The following MGA variants were observed in gnomAD, a reference collection of about 807,000 sequenced individuals.
MGA encodes the protein MAX dimerization protein MGA, also known as MAX gene-associated protein.
MGA carries 40 observed loss-of-function variants against 261.1 expected under a neutral mutation model. That is an observed-to-expected ratio of 0.15 (90% CI 0.12 to 0.20). The LOEUF (loss-of-function observed/expected upper bound fraction) is 0.20. Ranked by LOEUF, MGA falls within the 10% of genes least tolerant of loss-of-function variation. MGA has a pLI of 1.00. For missense variants in MGA, 3,397 were observed against 3,630.5 expected (o/e 0.94, Z 1.65); for synonymous variants, 1,302 against 1,290.6 (o/e 1.01, Z -0.19).
In MGA at chr15:41,750,219, A is replaced by G. The variant is rs993983680; in HGVS notation, c.6612A>G (p.Glu2204=). 3.1e-6 allele frequency: 5 copies of G among 1,613,870 alleles called. No individual in the cohort carries two copies. The African/African-American group carries it at 5.3e-5, about 17-fold the overall frequency. ...AGGCAGACGAGCAGTTAATTAAAGA[A>G]ACAAAGACATGTCAGGAAAATTCAG... Residue 2204 remains glutamate (E), a synonymous_variant, in exon 17 of 24, where the codon GAA becomes GAG. Transcript: ENST00000219905.
At chr15:41,665,787 TC>T (rs1306726644) in intron 1 of MGA, among the ~76,000 whole-genome samples, 3 of 152,210 alleles carry the variant, frequency 2.0e-5, no homozygotes, top group African/African-American at 7.2e-5. Context: ...AGTTACCCCT[TC>T]CCCTGAAACC....
rs963604462 is a variant in MGA, at chr15:41,769,026, G to C, written c.*1746G>C. ...TGAAGTAGGTAAAGAGTGCTCCTCA[G>C]CTTCTTATCCTTCCACTCTTTACCC... On this transcript the variant is annotated 3_prime_UTR_variant, in exon 24 of 24. Transcript: ENST00000219905. 1 of 152,592 alleles carries C rather than the reference G, an allele frequency of 6.6e-6. No homozygotes were observed. Among genetic ancestry groups the C allele is most frequent in the African/African-American group, 2.4e-5 (1 of 41,434 alleles). The allele number at this position is 152,592 out of a possible 1,614,324, so 9.5% of individuals were successfully genotyped here. A position where few individuals can be genotyped will look rare whatever the true frequency, so the allele number is the denominator to read the frequency against.
intron 1 of MGA, among the ~76,000 whole-genome samples, chr15:41,640,690 T>A (rs1351832383): frequency 6.6e-6 from 1 of 152,194 alleles, no homozygotes; most frequent in East Asian, 1.9e-4. Flanking sequence ...AGCTAATTTT[T>A]GTATTTTTAG....
intron 1 of MGA, among the ~76,000 whole-genome samples, chr15:41,628,128 T>G (rs1271974242): frequency 6.6e-6 from 1 of 152,076 alleles, no homozygotes; most frequent in African/African-American, 2.4e-5. Flanking sequence ...CCCAGCACTT[T>G]GGGAGGCCGA....
rs1029483306 is a variant in MGA, at chr15:41,736,516, G to C, written c.4252G>C (p.Asp1418His). Reference sequence around the variant, plus strand: ...TGAGAAATCTGGATCAGAGACTCCTGATGGTCCATTGTCCCCTGGGAAAAT... The same window carrying C: ...TGAGAAATCTGGATCAGAGACTCCTCATGGTCCATTGTCCCCTGGGAAAAT... Residue 1418 changes from aspartate to histidine, a missense_variant, in exon 13 of 24, where the codon GAT (aspartate) becomes CAT (histidine). Asp to His is a moderately conservative substitution (Grantham distance 81). Coordinates refer to ENST00000219905, the MANE Select transcript of MGA (RefSeq NM_001164273.2). 2.5e-6 allele frequency: 4 copies of C among 1,614,016 alleles called. No individual in the cohort carries two copies. In the Admixed American group the frequency reaches 6.7e-5, roughly 27 times the overall value.
At chr15:41,650,325 G>A (rs2057016913) in intron 1 of MGA, among the ~76,000 whole-genome samples, 1 of 152,128 alleles carries the variant, frequency 6.6e-6, no homozygotes, top group Non-Finnish European at 1.5e-5. Flanking sequence ...CTTCTCCTTA[G>A]AATGCCCTTC....
intron 1 of MGA, among the ~76,000 whole-genome samples, chr15:41,649,890 A>G (rs953451039): frequency 9.2e-5 from 14 of 152,292 alleles, no homozygotes; most frequent in East Asian, 1.9e-4. Context: ...CATGTTGGCC[A>G]GGCTGGTGTC....
At chr15:41,715,639 T>G (rs2151530447) in intron 9 of MGA, among the ~76,000 whole-genome samples, 1 of 152,312 alleles carries the variant, frequency 6.6e-6, no homozygotes, top group South Asian at 2.1e-4. Context: ...CCTACTGAAT[T>G]AAAATGTCAC....
chr15:41,634,158 C>T (rs543095023), intron 1 of MGA, among the ~76,000 whole-genome samples: 6 of 152,262 alleles, frequency 3.9e-5, no homozygotes, highest in South Asian at 4.1e-4. Flanking sequence ...CACCATATTA[C>T]ATCATGTATT....
In MGA at chr15:41,709,902, A is replaced by G. The variant is rs1197219052; in HGVS notation, c.2426-789A>G. On this transcript the variant is annotated intron_variant, in intron 7 of 23. Coordinates refer to ENST00000219905, the MANE Select transcript of MGA (RefSeq NM_001164273.2). ...AGTGGCGTGATCTCGGCTCACCGCA[A>G]CCTCCCCGTCTCGGGTTCAAGCAAT... Among the ~76,000 whole-genome samples, 7 of 144,224 alleles carry G rather than the reference A, an allele frequency of 4.9e-5. No individual in the cohort carries two copies. In the East Asian group the frequency reaches 8.1e-4, roughly 17 times the overall value. The allele number at this position is 144,224 out of a possible 152,430, so 94.6% of individuals were successfully genotyped here.
intron 2 of MGA, among the ~76,000 whole-genome samples, chr15:41,676,383 C>G (rs551745118): frequency 6.6e-6 from 1 of 152,148 alleles, no homozygotes; most frequent in African/African-American, 2.4e-5. Flanking sequence ...TTGGCCAGGC[C>G]GGTCTCATGA....
At chr15:41,746,306 T>C (rs2062462313) in intron 15 of MGA, among the ~76,000 whole-genome samples, 1 of 152,108 alleles carries the variant, frequency 6.6e-6, no homozygotes, top group African/African-American at 2.4e-5. Flanking sequence ...TTTGGGAGGC[T>C]GAGGAGGATG....
chr15:41,747,087 C>T (rs1567073631), intron 15 of MGA, among the ~76,000 whole-genome samples: 1 of 151,966 alleles, frequency 6.6e-6, no homozygotes, highest in African/African-American at 2.4e-5. Flanking sequence ...TTTGAAATCT[C>T]TATTAATTCA....
In MGA at chr15:41,637,548, T is replaced by G. The variant is rs7176371; in HGVS notation, c.-68+16250T>G. Among the ~76,000 whole-genome samples the G allele has an allele frequency of 4.8e-3, 731 of 152,188 alleles. 7 individuals carry two copies. The highest frequency in any genetic ancestry group is 0.017 in the African/African-American group (708 of 41,518). On this transcript the variant is annotated intron_variant, in intron 1 of 8. Transcript: ENST00000566718. ...GTTAGGTAAAGGCTCCCAGAAGGAA[T>G]GTGGTGAAAAGCCGATTGTGTCCAA...
At chr15:41,764,822 G>A (rs1355712737) in intron 22 of MGA, 64 bp from the exon 23 acceptor site, 2 of 1,538,118 alleles carry the variant, frequency 1.3e-6, no homozygotes, top group Admixed American at 1.7e-5. Context: ...GGGATTACAG[G>A]CATGAGCCAC....
rs8038148 is a variant in MGA, at chr15:41,734,802, T to C, written c.3916+208T>C. On this transcript the variant is annotated intron_variant, in intron 12 of 23. Transcript: ENST00000219905. ...TCCTGCTCTCAAAAATAAAAGAAAATTCATTCATGTTGATAAAGCATGTTG... is the reference window on the plus strand; with the variant it reads ...TCCTGCTCTCAAAAATAAAAGAAAACTCATTCATGTTGATAAAGCATGTTG... 2.0e-5 allele frequency among the ~76,000 whole-genome samples: 3 copies of C among 152,138 alleles called. No individual in the cohort carries two copies. In the East Asian group the frequency reaches 5.8e-4, roughly 29 times the overall value.
In MGA at chr15:41,677,199, A is replaced by G. The variant is rs188341513; in HGVS notation, c.1064+7241A>G. Among the ~76,000 whole-genome samples the G allele has an allele frequency of 3.3e-5, 5 of 152,226 alleles. No individual in the cohort carries two copies. In the East Asian group the frequency reaches 9.7e-4, roughly 29 times the overall value. ...CTGTCGCCCCCAGGCAGGATTGCAG[A>G]GGTGTGATCTTGGCTCACAGCAACC... On this transcript the variant is annotated intron_variant, in intron 2 of 23. Coordinates refer to ENST00000219905, the MANE Select transcript of MGA (RefSeq NM_001164273.2).
chr15:41,630,414 T>C (rs1056478598), intron 1 of MGA, among the ~76,000 whole-genome samples: 1 of 152,214 alleles, frequency 6.6e-6, no homozygotes, highest in African/African-American at 2.4e-5. Flanking sequence ...TGGCATGTGG[T>C]AGATGCTTAA....
intron 2 of MGA, among the ~76,000 whole-genome samples, chr15:41,676,104 A>G (rs1465087978): frequency 6.6e-6 from 1 of 152,210 alleles, no homozygotes; most frequent in African/African-American, 2.4e-5. Flanking sequence ...AGTTTCTGGC[A>G]CATATATTTT....
Sources: allele counts gnomAD v4.1 joint callset (sites outside exome capture counted in the v4.1 genomes callset), GRCh38; gene constraint gnomAD v4.1.1; transcripts MANE v1.5; gene names NCBI Gene and HGNC (gene_info 2026-07-23, HGNC 2026-07-21).